Variants in FMR1NB observed in about 807,000 individuals in gnomAD.
The protein encoded by FMR1NB is FMR1 neighbor protein.
A neutral mutation model predicts 16.8 loss-of-function variants in FMR1NB; 10 were observed. The ratio of observed to expected loss-of-function variants is 0.60; its 90% CI spans 0.37 to 1.01. The LOEUF (loss-of-function observed/expected upper bound fraction) is 1.01. Ranked by LOEUF, FMR1NB falls within the 50% of genes least tolerant of loss-of-function variation. The pLI is 0.01. For missense variants in FMR1NB, 205 were observed against 204.8 expected (o/e 1.00, Z 0.00); for synonymous variants, 83 against 79.1 (o/e 1.05, Z -0.26).
chrX:148,013,219 A>T (rs1177635022), intron 4 of FMR1NB, among the ~76,000 whole-genome samples: 1 of 112,180 alleles, frequency 8.9e-6, no homozygotes, highest in African/African-American at 3.2e-5. Context: ...CTCCAAGGAC[A>T]GCATTTTAGA....
chrX:148,017,624 AT>A (rs1295325784), intron 4 of FMR1NB, among the ~76,000 whole-genome samples: 1 of 107,971 alleles, frequency 9.3e-6, no homozygotes. Flanking sequence ...TTACATATGT[AT>A]ACATGTGCCA....
At chrX:147,982,658 C>T (rs782192854) in intron 1 of FMR1NB, among the ~76,000 whole-genome samples, 7 of 102,774 alleles carry the variant, frequency 6.8e-5, no homozygotes, top group Non-Finnish European at 9.8e-5. Context: ...CTTTGGGAGG[C>T]GGAGGCGGGT....
At chrX:147,994,432 A>T (rs1475968030) in intron 1 of FMR1NB, among the ~76,000 whole-genome samples, 1 of 112,621 alleles carries the variant, frequency 8.9e-6, no homozygotes, top group Non-Finnish European at 1.9e-5. Flanking sequence ...AAATGTTAAG[A>T]TATTTTTAAT....
intron 1 of FMR1NB, among the ~76,000 whole-genome samples, chrX:147,984,851 G>C (rs1462601959): frequency 4.5e-5 from 5 of 112,098 alleles, no homozygotes; most frequent in Non-Finnish European, 7.5e-5. Flanking sequence ...ATCATGTTAA[G>C]TAAGATTCAT....
rs1216255626 is a variant in FMR1NB at position 148,024,912 on chromosome X, G to A, written c.680G>A (p.Gly227Asp). ...LQRQDNRVVT[G>D]LKKQRRKRKR... ...AGGCAGGACAACAGAGTTGTAACGG[G>A]TTTGAAGAAACAAAGAAGGAAGCGA... The change falls in exon 5 of 6, where the codon GGT (glycine) becomes GAT (aspartate). Residue 227 changes from glycine to aspartate, a missense_variant. Transcript: ENST00000370467. The A allele has an allele frequency of 2.5e-6, 3 of 1,209,560 alleles. No homozygotes were observed. The highest frequency in any genetic ancestry group is 3.0e-5 in the East Asian group (1 of 33,784).
At chrX:147,996,081 T>G (rs1227877731) in intron 1 of FMR1NB, among the ~76,000 whole-genome samples, 1 of 112,226 alleles carries the variant, frequency 8.9e-6, no homozygotes, top group Non-Finnish European at 1.9e-5. Context: ...GCTACCTTAC[T>G]TTTTTACATT....
intron 4 of FMR1NB, among the ~76,000 whole-genome samples, chrX:148,009,999 T>A (rs1283890030): frequency 8.9e-6 from 1 of 111,991 alleles, no homozygotes; most frequent in African/African-American, 3.2e-5. Context: ...ACCATGAAAT[T>A]TAGAGAGTTT....
In FMR1NB at chrX:147,981,375, GC is replaced by G; in HGVS notation, c.-27del. On this transcript the variant is annotated 5_prime_UTR_variant, in exon 1 of 6. Transcript: ENST00000370467. ...TGCCGGACCGTTGGGCTGTGAGGCAGCGTCTCAGCGAGGCGGCACCCGGAGC... is the reference window on the plus strand; with the variant it reads ...TGCCGGACCGTTGGGCTGTGAGGCAGGTCTCAGCGAGGCGGCACCCGGAGC... 8.5e-7 allele frequency: 1 copy of G among 1,176,608 alleles called. No homozygotes were observed. Among genetic ancestry groups the G allele is most frequent in the Non-Finnish European group, 1.1e-6 (1 of 875,950 alleles).
chrX:148,013,815 A>G (rs935682027), intron 4 of FMR1NB, among the ~76,000 whole-genome samples: 7 of 111,884 alleles, frequency 6.3e-5, no homozygotes, highest in Admixed American at 2.8e-4. Context: ...TTTTTCTCCT[A>G]AATTATCTCC....
intron 4 of FMR1NB, among the ~76,000 whole-genome samples, chrX:148,021,397 C>CTTT (rs781961309): frequency 3.3e-5 from 3 of 90,739 alleles, no homozygotes; most frequent in African/African-American, 1.2e-4. Context: ...TATGAAGGGG[C>CTTT]TTTTTTTTTT....
chrX:147,998,432 C>T (rs957524122), intron 1 of FMR1NB, among the ~76,000 whole-genome samples: 5 of 111,237 alleles, frequency 4.5e-5, no homozygotes, highest in African/African-American at 1.3e-4. Context: ...GGGAGAGGAA[C>T]ATCACACACC....
At chrX:148,025,652 C>CTGGGAG (rs1430765636) in intron 5 of FMR1NB, among the ~76,000 whole-genome samples, 1 of 112,072 alleles carries the variant, frequency 8.9e-6, no homozygotes. Context: ...ATCTCAGGGA[C>CTGGGAG]TGGGAGTAAG....
intron 1 of FMR1NB, among the ~76,000 whole-genome samples, chrX:147,994,936 A>G (rs1430125046): frequency 8.9e-6 from 1 of 112,508 alleles, no homozygotes; most frequent in Admixed American, 9.4e-5. Flanking sequence ...TATAACCCCA[A>G]TACCTTATTT....
intron 3 of FMR1NB, 143 bp downstream of exon 3, chrX:148,006,985 A>AGGTG: frequency 1.6e-6 from 1 of 617,785 alleles, no homozygotes; most frequent in Non-Finnish European, 2.3e-6. Context: ...GAAGGTCCTG[A>AGGTG]GGTGGTCATG....
At chrX:147,997,325 T>C (rs1457133344) in intron 1 of FMR1NB, among the ~76,000 whole-genome samples, 1 of 111,971 alleles carries the variant, frequency 8.9e-6, no homozygotes, top group Non-Finnish European at 1.9e-5. Flanking sequence ...CCATCTGATC[T>C]TTGACAAACC....
intron 4 of FMR1NB, among the ~76,000 whole-genome samples, chrX:148,021,226 A>G (rs1246563082): frequency 9.0e-6 from 1 of 111,172 alleles, no homozygotes; most frequent in Non-Finnish European, 1.9e-5. Flanking sequence ...TTCTCTCCCA[A>G]GTGCACAGAT....
chrX:148,022,859 A>G (rs1025207437), intron 4 of FMR1NB, among the ~76,000 whole-genome samples: 5 of 111,879 alleles, frequency 4.5e-5, no homozygotes, highest in Non-Finnish European at 9.4e-5. Flanking sequence ...TAAAGAAAAC[A>G]TAGTCATTTT....
intron 4 of FMR1NB, among the ~76,000 whole-genome samples, chrX:148,015,381 G>C (rs1557190054): frequency 9.0e-6 from 1 of 110,768 alleles, no homozygotes; most frequent in African/African-American, 3.3e-5. Flanking sequence ...GTTTGATTTT[G>C]CTTTTCTGGT....
intron 1 of FMR1NB, among the ~76,000 whole-genome samples, chrX:147,993,381 G>T (rs182568310): frequency 0.01 from 1,068 of 105,792 alleles, 18 homozygotes; most frequent in African/African-American, 0.034. Context: ...GGTTCCGCAT[G>T]AGAGGGAGAC....
Sources: allele counts gnomAD v4.1 joint callset (sites outside exome capture counted in the v4.1 genomes callset), GRCh38; gene constraint gnomAD v4.1.1; transcripts MANE v1.5; gene names NCBI Gene and HGNC (gene_info 2026-07-23, HGNC 2026-07-21).